Variants in WDR70 observed in about 807,000 individuals in gnomAD.
WDR70 encodes WD repeat domain 70.
In WDR70, 53 loss-of-function variants were observed where a neutral mutation model predicts 88.6. That is an observed-to-expected ratio of 0.60 (90% CI 0.48 to 0.75). The LOEUF is 0.75. WDR70 is among the 30% of genes least tolerant of loss of function. The pLI is 0.00. For missense variants in WDR70, 610 were observed against 823.2 expected (o/e 0.74, Z 3.17); for synonymous variants, 280 against 270.0 (o/e 1.04, Z -0.36).
At position 37,594,845 on chromosome 5, in the gene WDR70, A is replaced by G; in HGVS notation, c.918-10219A>G. Among the ~76,000 whole-genome samples the G allele has an allele frequency of 1.3e-5, 2 of 152,144 alleles. 1 individual carries two copies. The highest frequency in any genetic ancestry group is 2.9e-5 in the Non-Finnish European group (2 of 68,016). On this transcript the variant is annotated intron_variant, in intron 9 of 17. Transcript: ENST00000265107. The stretch of plus-strand genomic sequence containing the variant: ...CAGTGGTTTGTACTTCTCCTTGAAG[A>G]GGTCCTTCACATCCCTTGTAAGTTG...
intron 5 of WDR70, among the ~76,000 whole-genome samples, chr5:37,419,611 C>T (rs548271612): frequency 1.3e-5 from 2 of 151,704 alleles, no homozygotes; most frequent in African/African-American, 4.8e-5. Context: ...ATCAGAAGTT[C>T]GAGACCAGCC....
intron 8 of WDR70, among the ~76,000 whole-genome samples, chr5:37,512,941 G>T (rs1740764481): frequency 6.6e-6 from 1 of 152,138 alleles, no homozygotes; most frequent in Non-Finnish European, 1.5e-5. Context: ...ATGTTTACAT[G>T]TTCTTGGGAT....
intron 10 of WDR70, among the ~76,000 whole-genome samples, chr5:37,629,567 C>G (rs1589116): frequency 0.42 from 63,845 of 151,954 alleles, 15,156 homozygotes; most frequent in Non-Finnish European, 0.53. Context: ...TGTTGAAGCT[C>G]TCAATTATAT....
chr5:37,724,022 A>G (rs1181109778), intron 15 of WDR70: 1 of 152,092 alleles, frequency 6.6e-6, no homozygotes, highest in African/African-American at 2.4e-5. Flanking sequence ...GGTGTTATAG[A>G]CATTTTATTG....
chr5:37,501,173 C>T (rs1003291749), intron 8 of WDR70, among the ~76,000 whole-genome samples: 3 of 152,046 alleles, frequency 2.0e-5, no homozygotes, highest in African/African-American at 7.2e-5. Flanking sequence ...TTGTTGGGCG[C>T]ATAGTTTGCA....
intron 9 of WDR70, among the ~76,000 whole-genome samples, chr5:37,581,577 C>G (rs1743217410): frequency 6.6e-6 from 1 of 152,038 alleles, no homozygotes; most frequent in Admixed American, 6.6e-5. Context: ...AAAAGCCATC[C>G]TAAGAGGAGA....
In WDR70 at chr5:37,488,309, A is replaced by C. The variant is rs556370877; in HGVS notation, c.840+8322A>C. Among the ~76,000 whole-genome samples, 6 of 151,706 alleles carry C rather than the reference A, an allele frequency of 4.0e-5. No homozygotes were observed. The South Asian group carries it at 1.0e-3, about 26-fold the overall frequency. The stretch of plus-strand genomic sequence containing the variant: ...CTTTTTGGGTTGTATCTATATGGGA[A>C]TCTGCTATCTTCTTGTATCTGTATG... On this transcript the variant is annotated intron_variant, in intron 8 of 17. Transcript: ENST00000265107.
chr5:37,444,101 A>T (rs1738382044), intron 7 of WDR70, among the ~76,000 whole-genome samples: 2 of 151,774 alleles, frequency 1.3e-5, no homozygotes, highest in African/African-American at 4.8e-5. Flanking sequence ...GTGAGCCAGG[A>T]TTGCGCCACT....
chr5:37,617,936 A>G (rs1439560911), intron 10 of WDR70, among the ~76,000 whole-genome samples: 3 of 152,232 alleles, frequency 2.0e-5, no homozygotes, highest in Non-Finnish European at 4.4e-5. Context: ...ATGATTGCAT[A>G]TTGATCAAAG....
chr5:37,463,820 C>T (rs373153669), intron 7 of WDR70, among the ~76,000 whole-genome samples: 2 of 152,182 alleles, frequency 1.3e-5, no homozygotes, highest in East Asian at 1.9e-4. Flanking sequence ...GTCCTTTTAA[C>T]TCTGTGGCTA....
chr5:37,675,632 T>A (rs942098090), intron 10 of WDR70, among the ~76,000 whole-genome samples: 8 of 152,210 alleles, frequency 5.3e-5, no homozygotes, highest in African/African-American at 1.9e-4. Context: ...TTTTGGTTAC[T>A]GTAGCCTTGT....
At chr5:37,542,282 T>C (rs1360796517) in intron 9 of WDR70, among the ~76,000 whole-genome samples, 6 of 146,302 alleles carry the variant, frequency 4.1e-5, no homozygotes, top group Admixed American at 4.1e-4. Flanking sequence ...TTCTTCTTCT[T>C]TTTTTTTTTT....
chr5:37,486,313 A>C (rs1739866623), intron 8 of WDR70, among the ~76,000 whole-genome samples: 1 of 151,326 alleles, frequency 6.6e-6, no homozygotes, highest in South Asian at 2.1e-4. Flanking sequence ...AATGCCCAGT[A>C]TGTGTTAGCG....
At chr5:37,503,177 G>C (rs1740454640) in intron 8 of WDR70, among the ~76,000 whole-genome samples, 1 of 152,080 alleles carries the variant, frequency 6.6e-6, no homozygotes. Context: ...TTTTTCCTAA[G>C]TTTGGTATCA....
intron 7 of WDR70, among the ~76,000 whole-genome samples, chr5:37,455,243 C>CTTTTTTTTTTTTTTT (rs544303522): frequency 1.6e-5 from 2 of 123,116 alleles, no homozygotes; most frequent in Non-Finnish European, 3.5e-5. Context: ...TTCTTTCTTT[C>CTTTTTTTTTTTTTTT]TTTTTTTTTT....
intron 9 of WDR70, among the ~76,000 whole-genome samples, chr5:37,569,431 A>C (rs1173730255): frequency 2.6e-5 from 4 of 152,162 alleles, no homozygotes; most frequent in Non-Finnish European, 5.9e-5. Context: ...GTGTTTGTTG[A>C]ATTAAATTGC....
Position 37,605,131 on chromosome 5 carries a change from C to A in WDR70, c.985C>A (p.Gln329Lys). 1.2e-6 allele frequency: 2 copies of A among 1,612,778 alleles called. No individual in the cohort carries two copies. The highest frequency in any genetic ancestry group is 1.7e-6 in the Non-Finnish European group (2 of 1,179,356). The change falls in exon 10 of 18, where the codon CAA becomes AAA. Residue 329 changes from glutamine to lysine, a missense_variant. Physicochemically the swap from Gln to Lys is moderately conservative, Grantham distance 53. This residue lies in a region of WDR70 where 254 missense variants were observed against 300.7 expected (regional missense o/e 0.84). Coordinates refer to ENST00000265107, the MANE Select transcript of WDR70 (RefSeq NM_018034.4). ...QKSVFKPRTM[Q>K]GKKVIPTTCT... ...AAGTGTGTTTAAACCACGGACGATG[C>A]AAGGCAAAAAAGTCATTCCCACTAC...
At chr5:37,638,645 C>CA (rs1745032627) in intron 10 of WDR70, among the ~76,000 whole-genome samples, 2 of 152,178 alleles carry the variant, frequency 1.3e-5, no homozygotes, top group Admixed American at 6.5e-5. Flanking sequence ...TTCATGTTAG[C>CA]AATACCATTT....
At chr5:37,419,218 T>C (rs993811005) in intron 5 of WDR70, among the ~76,000 whole-genome samples, 2 of 151,984 alleles carry the variant, frequency 1.3e-5, no homozygotes, top group Admixed American at 1.3e-4. Flanking sequence ...GTTTCTTTTT[T>C]TTTTTTGAGA....
Sources: allele counts gnomAD v4.1 joint callset (sites outside exome capture counted in the v4.1 genomes callset), GRCh38; gene constraint gnomAD v4.1.1; regional missense constraint gnomAD v4.1.1; transcripts MANE v1.5; gene names NCBI Gene and HGNC (gene_info 2026-07-23, HGNC 2026-07-21).